The following ELAVL4 variants were observed in gnomAD, a reference collection of about 807,000 sequenced individuals.
The protein encoded by ELAVL4 is ELAV-like protein 4.
ELAVL4 carries 1 observed loss-of-function variant against 35.6 expected under a neutral mutation model. The observed-to-expected ratio is 0.03, with a 90% CI of 0.01 to 0.13. ELAVL4 has a LOEUF of 0.13. Among genes scored for constraint, ELAVL4 ranks in the 10% least tolerant of loss-of-function variants. The probability of loss-of-function intolerance (pLI) is 1.00; values close to 1 mark genes in which losing one functional copy is unlikely to be tolerated. For synonymous variants in ELAVL4, 156 were observed against 171.0 expected (o/e 0.91, Z 0.69); for missense variants, 267 against 464.9 (o/e 0.57, Z 3.91).
At chr1:50,131,670 G>C (rs1162457654) in intron 1 of ELAVL4, among the ~76,000 whole-genome samples, 2 of 151,850 alleles carry the variant, frequency 1.3e-5, no homozygotes, top group South Asian at 2.1e-4. Context: ...CATGCCTGTA[G>C]TCCCAGTTAC....
intron 2 of ELAVL4, among the ~76,000 whole-genome samples, chr1:50,173,497 A>T (rs1462261539): frequency 6.6e-6 from 1 of 152,252 alleles, no homozygotes; most frequent in East Asian, 1.9e-4. Flanking sequence ...CCCATGCATG[A>T]TAACTGGTGA....
At chr1:50,050,152 G>A (rs1450488418) in intron 1 of ELAVL4, among the ~76,000 whole-genome samples, 1 of 152,188 alleles carries the variant, frequency 6.6e-6, no homozygotes, top group Non-Finnish European at 1.5e-5. Context: ...ATAGATACAT[G>A]GGGTTAATAC....
intron 1 of ELAVL4, among the ~76,000 whole-genome samples, chr1:50,069,431 A>G (rs919188749): frequency 2.0e-5 from 3 of 152,324 alleles, no homozygotes; most frequent in Non-Finnish European, 2.9e-5. Flanking sequence ...TTTAAACCAG[A>G]AGCTCCATTG....
chr1:50,086,383 T>C (rs1665240473), intron 1 of ELAVL4, among the ~76,000 whole-genome samples: 1 of 151,796 alleles, frequency 6.6e-6, no homozygotes, highest in Non-Finnish European at 1.5e-5. Flanking sequence ...ATTTTTCTAG[T>C]TTGGCTTTGA....
chr1:50,076,979 T>C (rs950597295), intron 1 of ELAVL4, among the ~76,000 whole-genome samples: 5 of 151,956 alleles, frequency 3.3e-5, no homozygotes, highest in African/African-American at 1.2e-4. Context: ...TACTTCCTAT[T>C]ATATTTGTCA....
chr1:50,096,751 A>G (rs375802766), intron 1 of ELAVL4, among the ~76,000 whole-genome samples: 1 of 152,186 alleles, frequency 6.6e-6, no homozygotes, highest in Non-Finnish European at 1.5e-5. Context: ...CATGCCTTAC[A>G]TGGATTATCT....
chr1:50,054,504 T>C (rs992815975), intron 1 of ELAVL4, among the ~76,000 whole-genome samples: 1 of 152,204 alleles, frequency 6.6e-6, no homozygotes, highest in Non-Finnish European at 1.5e-5. Flanking sequence ...GTAAAGAATA[T>C]ACTAGATTTA....
At chr1:50,052,430 G>C (rs1267496798) in intron 1 of ELAVL4, among the ~76,000 whole-genome samples, 7 of 152,154 alleles carry the variant, frequency 4.6e-5, no homozygotes, top group Non-Finnish European at 7.3e-5. Flanking sequence ...CACTAGCAAT[G>C]TCTTTCATTG....
In ELAVL4 at chr1:50,165,665, T is replaced by C. The variant is rs866321188; in HGVS notation, c.251-11424T>C. Among the ~76,000 whole-genome samples the C allele has an allele frequency of 3.6e-4, 54 of 148,546 alleles. No homozygotes were observed. The Middle Eastern group carries it at 0.011, about 30-fold the overall frequency. On this transcript the variant is annotated intron_variant, in intron 2 of 6. Transcript: ENST00000371824. Reference sequence around the variant, plus strand: ...ATAGGTATATATATGTGTGTATATATGTATATGTGTGCATATACATATATA... The same window carrying C: ...ATAGGTATATATATGTGTGTATATACGTATATGTGTGCATATACATATATA...
chr1:50,117,201 T>C (rs1668097669), intron 1 of ELAVL4, among the ~76,000 whole-genome samples: 3 of 152,156 alleles, frequency 2.0e-5, no homozygotes. Flanking sequence ...GTGGAAAAGT[T>C]AATCTTAAAA....
At chr1:50,158,509 T>C (rs1318077876) in intron 2 of ELAVL4, among the ~76,000 whole-genome samples, 1 of 152,204 alleles carries the variant, frequency 6.6e-6, no homozygotes, top group South Asian at 2.1e-4. Flanking sequence ...TGCATTTTTT[T>C]CCTTGGGTCT....
intron 1 of ELAVL4, among the ~76,000 whole-genome samples, chr1:50,078,452 G>A (rs1664864337): frequency 6.6e-6 from 1 of 151,990 alleles, no homozygotes; most frequent in Non-Finnish European, 1.5e-5. Context: ...TGTTTCACAA[G>A]TACTTCCCTT....
chr1:50,119,984 G>A (rs2148586979), intron 1 of ELAVL4, among the ~76,000 whole-genome samples: 1 of 151,558 alleles, frequency 6.6e-6, no homozygotes, highest in Admixed American at 6.6e-5. Flanking sequence ...GTCCAGCTCA[G>A]CCAAAGTTTA....
chr1:50,152,005 A>G (rs985113176), intron 2 of ELAVL4, among the ~76,000 whole-genome samples: 2 of 150,914 alleles, frequency 1.3e-5, no homozygotes, highest in African/African-American at 5.0e-5. Flanking sequence ...CTTCTTACAC[A>G]CTCATCAGGG....
chr1:50,150,361 G>C (rs910833561), intron 2 of ELAVL4, among the ~76,000 whole-genome samples: 19 of 152,162 alleles, frequency 1.2e-4, no homozygotes, highest in African/African-American at 4.6e-4. Flanking sequence ...CTTCACTACT[G>C]TGGGCAAGAG....
intron 1 of ELAVL4, among the ~76,000 whole-genome samples, chr1:50,137,400 T>G (rs1441093749): frequency 2.0e-5 from 3 of 151,552 alleles, no homozygotes; most frequent in Non-Finnish European, 2.9e-5. Flanking sequence ...TGTAAGAAAG[T>G]CATGAGCTAA....
At chr1:50,051,021 G>A (rs184305883) in intron 1 of ELAVL4, among the ~76,000 whole-genome samples, 5 of 152,090 alleles carry the variant, frequency 3.3e-5, no homozygotes, top group Admixed American at 6.5e-5. Flanking sequence ...TCAATCTATC[G>A]TAAATATGCT....
intron 1 of ELAVL4, among the ~76,000 whole-genome samples, chr1:50,048,409 C>A (rs1557674465): frequency 2.0e-5 from 3 of 152,138 alleles, no homozygotes; most frequent in Non-Finnish European, 4.4e-5. Flanking sequence ...GCTCTGGCCC[C>A]GCAGGTCAGG....
intron 1 of ELAVL4, chr1:50,141,949 C>G (rs1303803000): frequency 2.0e-5 from 3 of 152,208 alleles, no homozygotes; most frequent in African/African-American, 7.2e-5. Context: ...TTTCATTTAT[C>G]ATTTGTGACC....
Sources: gnomAD v4.1 joint callset for allele counts (sites outside exome capture counted in the v4.1 genomes callset) on GRCh38, gnomAD v4.1.1 for gene constraint, MANE v1.5 for transcripts, NCBI Gene and HGNC (gene_info 2026-07-23, HGNC 2026-07-21) for gene names.